KLHL23: variants seen among roughly 807,000 people sequenced by gnomAD.
The protein encoded by KLHL23 is kelch like family member 23, also known as kelch-like protein 23.
Under a neutral mutation model 48.9 loss-of-function variants are expected in KLHL23, and 33 were observed. That is an observed-to-expected ratio of 0.67 (90% CI 0.51 to 0.90). The LOEUF is 0.90. Among genes scored for constraint, KLHL23 ranks in the 40% least tolerant of loss-of-function variants. The probability of loss-of-function intolerance (pLI) is 0.00; values close to 1 mark genes in which losing one functional copy is unlikely to be tolerated. For synonymous variants in KLHL23, 234 were observed against 231.6 expected, an observed-to-expected ratio of 1.01 and a Z score of -0.09; for missense variants, 608 against 669.6, an observed-to-expected ratio of 0.91 and a Z score of 1.02.
chr2:169,750,291 T>C lies in KLHL23; in HGVS notation c.*559T>C, dbSNP rs950832923. The C allele has an allele frequency of 2.0e-5, 3 of 152,422 alleles. No homozygotes were observed. The highest frequency in any genetic ancestry group is 7.3e-5 in the African/African-American group (3 of 41,208). The allele number at this position is 152,422 out of a possible 1,614,324, so 9.4% of individuals were successfully genotyped here. A position where few individuals can be genotyped will look rare whatever the true frequency, so the allele number is the denominator to read the frequency against. ...CTCTTGGTAGCATCAACACTGGGGA[T>C]AAATCAGAACCATTCTGTGGAATGA... On this transcript the variant is annotated 3_prime_UTR_variant, in exon 4 of 4. Transcript: ENST00000392647.
At chr2:169,737,603 A>ATTTCTT (rs199830677) in intron 2 of KLHL23, among the ~76,000 whole-genome samples, 330 of 149,928 alleles carry the variant, frequency 2.2e-3, no homozygotes, top group African/African-American at 2.3e-3. Flanking sequence ...TTCAGAGTAT[A>ATTTCTT]TTTCTTTTTC....
chr2:169,748,426 G>A (rs957002238), intron 3 of KLHL23, among the ~76,000 whole-genome samples: 8 of 152,178 alleles, frequency 5.3e-5, no homozygotes, highest in Non-Finnish European at 8.8e-5. Context: ...TCCAGCGAAA[G>A]GTTTTTAAGT....
In KLHL23 at chr2:169,736,213, C is replaced by G. The variant is rs763030626; in HGVS notation, c.1199C>G (p.Ala400Gly). The change falls in exon 2 of 4, where the codon GCA becomes GGA. Residue 400 changes from alanine (A) to glycine (G), a missense_variant. Physicochemically the swap from Ala to Gly is moderately conservative, Grantham distance 60. Coordinates refer to ENST00000392647, the MANE Select transcript of KLHL23 (RefSeq NM_144711.6). ...TTAAAAGAGAAATGGATTCCTATTG[C>G]AAACATGATTAAAGGTAAGTGGAGA... ...DPLKEKWIPI[A>G]NMIKGVGNAT... 1 of 1,606,818 alleles carries G rather than the reference C, an allele frequency of 6.2e-7. No individual in the cohort carries two copies. The highest frequency in any genetic ancestry group is 8.5e-7 in the Non-Finnish European group (1 of 1,177,050).
At chr2:169,744,697 T>G (rs1688756917) in intron 3 of KLHL23, among the ~76,000 whole-genome samples, 1 of 151,966 alleles carries the variant, frequency 6.6e-6, no homozygotes, top group Admixed American at 6.6e-5. Flanking sequence ...TAGCTGAGAT[T>G]ACAGGCGCTG....
chr2:169,746,543 T>C (rs2105655672), intron 3 of KLHL23, among the ~76,000 whole-genome samples: 1 of 152,336 alleles, frequency 6.6e-6, no homozygotes, highest in African/African-American at 2.4e-5. Flanking sequence ...ATATACTCAG[T>C]GCTAGGAGCA....
rs1190495436 is a variant in KLHL23 at position 169,750,503 on chromosome 2, C to T, written c.*771C>T. 6.6e-6 allele frequency: 1 copy of T among 150,650 alleles called. No homozygotes were observed. Among genetic ancestry groups the T allele is most frequent in the African/African-American group, 2.4e-5 (1 of 40,986 alleles). 9.3% of individuals were successfully genotyped at this position (150,650 alleles called of 1,614,324 possible). A position where few individuals can be genotyped will look rare whatever the true frequency, so the allele number is the denominator to read the frequency against. On this transcript the variant is annotated 3_prime_UTR_variant, in exon 4 of 4. Coordinates refer to ENST00000392647, the MANE Select transcript of KLHL23 (RefSeq NM_144711.6). Reference sequence around the variant, plus strand: ...AAAAAAAAAAAATCAATTTAGCTAGCAGGAATTTGACATTTAAAGAGGGAA... The same window carrying T: ...AAAAAAAAAAAATCAATTTAGCTAGTAGGAATTTGACATTTAAAGAGGGAA...
intron 3 of KLHL23, among the ~76,000 whole-genome samples, chr2:169,745,825 AG>A (rs764333551): frequency 2.6e-5 from 4 of 152,156 alleles, no homozygotes; most frequent in African/African-American, 4.8e-5. Flanking sequence ...AAGGGAGAAG[AG>A]GGGAGATGAT....
In KLHL23 at chr2:169,735,783, T is replaced by C. The variant is rs1688498156; in HGVS notation, c.769T>C (p.Tyr257His). 1.2e-6 allele frequency: 2 copies of C among 1,614,080 alleles called. No homozygotes were observed. Among genetic ancestry groups the C allele is most frequent in the Non-Finnish European group, 1.7e-6 (2 of 1,180,028 alleles). ...CGAAAATAAGATCCGCTCCCTAATA[T>C]ACAATGCCTTGAATCCCATGCATAA... Reference protein sequence around the residue: ...LTENKIRSLIYNALNPMHKEI... With the variant: ...LTENKIRSLIHNALNPMHKEI... The change falls in exon 2 of 4, where the codon TAC becomes CAC. Residue 257 changes from tyrosine (Y) to histidine (H), a missense_variant. Tyr to His is a moderately conservative substitution (Grantham distance 83). Around this residue, in one of 3 missense-constraint regions of KLHL23, gnomAD observed 419 missense variants for 473.1 expected, o/e 0.89. Transcript: ENST00000392647. This position sits in a 1 kb window ranked among gnomAD's most constrained non-coding sequence, Gnocchi z 4.5.
intron 2 of KLHL23, among the ~76,000 whole-genome samples, chr2:169,739,707 T>C (rs1688628304): frequency 6.6e-6 from 1 of 152,242 alleles, no homozygotes; most frequent in Non-Finnish European, 1.5e-5. Flanking sequence ...TCTAGTGTTC[T>C]AATTACAGCC....
At chr2:169,748,692 G>A (rs1688863757) in intron 3 of KLHL23, among the ~76,000 whole-genome samples, 1 of 150,894 alleles carries the variant, frequency 6.6e-6, no homozygotes, top group Non-Finnish European at 1.5e-5. Context: ...AGATATGCTG[G>A]TGCTTTGAAG....
chr2:169,738,492 A>G (rs1472691122), intron 2 of KLHL23, among the ~76,000 whole-genome samples: 2 of 152,312 alleles, frequency 1.3e-5, no homozygotes, highest in East Asian at 3.9e-4. Flanking sequence ...GAAGTGAAAT[A>G]GCAGCTTTCT....
chr2:169,735,498 C>A lies in KLHL23; in HGVS notation c.484C>A (p.Leu162Ile). The change falls in exon 2 of 4, where the codon CTA becomes ATA. Residue 162 changes from leucine to isoleucine, a missense_variant. This residue lies in a region of KLHL23 where 419 missense variants were observed against 473.1 expected (regional missense o/e 0.89). Transcript: ENST00000392647. The surrounding 1 kb of genome is among the most constrained non-coding windows in gnomAD (Gnocchi z 4.5). ...ACTAGAGAAGGAATCTCGAAGAATT[C>A]TATGTTCAAAGTTTAAGGAAGTGTG... ...PELEKESRRILCSKFKEVWQQ... is the reference protein window; with the variant it reads ...PELEKESRRIICSKFKEVWQQ... The A allele has an allele frequency of 6.2e-7, 1 of 1,613,944 alleles. No homozygotes were observed. Among genetic ancestry groups the A allele is most frequent in the Non-Finnish European group, 8.5e-7 (1 of 1,180,020 alleles).
chr2:169,748,544 G>A (rs1329485615), intron 3 of KLHL23, among the ~76,000 whole-genome samples: 1 of 152,168 alleles, frequency 6.6e-6, no homozygotes, highest in Non-Finnish European at 1.5e-5. Context: ...AGGCAAATGA[G>A]ATGCTTCAGG....
Position 169,736,243 on chromosome 2 carries a change from G to A in KLHL23, c.1213+16G>A. 2.3e-5 allele frequency: 36 copies of A among 1,576,924 alleles called. No individual in the cohort carries two copies. Among genetic ancestry groups the A allele is most frequent in the Non-Finnish European group, 3.1e-5 (36 of 1,164,078 alleles). On this transcript the variant is annotated intron_variant, in intron 2 of 3. Coordinates refer to ENST00000392647, the MANE Select transcript of KLHL23 (RefSeq NM_144711.6). ...ATGATTAAAGGTAAGTGGAGATTATGTTTATTTTGTATTTTTTAGATGTCT... is the reference window on the plus strand; with the variant it reads ...ATGATTAAAGGTAAGTGGAGATTATATTTATTTTGTATTTTTTAGATGTCT...
chr2:169,745,531 A>AG (rs1246475557), intron 3 of KLHL23, among the ~76,000 whole-genome samples: 14 of 151,216 alleles, frequency 9.3e-5, no homozygotes, highest in African/African-American at 3.4e-4. Context: ...AAAAAAAAAA[A>AG]AAAAAAAAGG....
At chr2:169,734,325 C>G (rs916615845) in intron 1 of KLHL23, among the ~76,000 whole-genome samples, 3 of 147,546 alleles carry the variant, frequency 2.0e-5, no homozygotes, top group Non-Finnish European at 3.0e-5. Flanking sequence ...GACGCGGGCA[C>G]CGGGCCCGCG....
intron 2 of KLHL23, among the ~76,000 whole-genome samples, chr2:169,736,671 A>G (rs1163499341): frequency 6.6e-6 from 1 of 152,110 alleles, no homozygotes; most frequent in Non-Finnish European, 1.5e-5. Context: ...AGAGGGGCAG[A>G]CACCATACTC....
chr2:169,751,409 A>G lies in KLHL23; in HGVS notation c.*1677A>G, dbSNP rs1407450275. On this transcript the variant is annotated 3_prime_UTR_variant, in exon 4 of 4. Coordinates refer to ENST00000392647, the MANE Select transcript of KLHL23 (RefSeq NM_144711.6). ...ATTTCAGATGGCGTTTTAAATAGATACAACCCTTTGGAAACACAATATGGT... is the reference window on the plus strand; with the variant it reads ...ATTTCAGATGGCGTTTTAAATAGATGCAACCCTTTGGAAACACAATATGGT... 6.6e-6 allele frequency: 1 copy of G among 152,262 alleles called. No homozygotes were observed. 9.4% of individuals were successfully genotyped at this position (152,262 alleles called of 1,614,324 possible).
At chr2:169,740,790 AT>A (rs1220163520) in intron 2 of KLHL23, among the ~76,000 whole-genome samples, 1 of 138,070 alleles carries the variant, frequency 7.2e-6, no homozygotes, top group African/African-American at 2.8e-5. Flanking sequence ...ATATATATAT[AT>A]AACTTATTTA....
Sources: allele counts gnomAD v4.1 joint callset (sites outside exome capture counted in the v4.1 genomes callset), GRCh38; gene constraint gnomAD v4.1.1; regional missense constraint gnomAD v4.1.1; non-coding constraint Gnocchi (gnomAD v3.1); transcripts MANE v1.5; gene names NCBI Gene and HGNC (gene_info 2026-07-23, HGNC 2026-07-21).